The following PGAP4 variants were observed in gnomAD, a reference collection of about 807,000 sequenced individuals.
PGAP4 encodes the protein post-GPI attachment to proteins GalNAc transferase 4, also known as GPI-N-acetylgalactosamine transferase PGAP4.
A neutral mutation model predicts 28.2 loss-of-function variants in PGAP4; 12 were observed. The ratio of observed to expected loss-of-function variants is 0.42; its 90% CI spans 0.27 to 0.69. PGAP4 has a LOEUF of 0.69. Ranked by LOEUF, PGAP4 falls within the 30% of genes least tolerant of loss-of-function variation. PGAP4 has a pLI of 0.22. For missense variants in PGAP4, 425 were observed against 513.5 expected, an observed-to-expected ratio of 0.83 and a Z score of 1.67; for synonymous variants, 205 against 211.8, an observed-to-expected ratio of 0.97 and a Z score of 0.28.
chr9:101,527,203 G>A (rs1827042419), intron 2 of PGAP4, among the ~76,000 whole-genome samples: 1 of 152,208 alleles, frequency 6.6e-6, no homozygotes, highest in Non-Finnish European at 1.5e-5. Context: ...TCTGGAGGCA[G>A]TCTCTTGAGA....
chr9:101,529,398 G>A (rs1437263870), intron 2 of PGAP4, among the ~76,000 whole-genome samples: 6 of 152,064 alleles, frequency 3.9e-5, no homozygotes, highest in East Asian at 1.9e-4. Flanking sequence ...CAGGTGATCC[G>A]CCCGCCTTGG....
Position 101,509,537 on chromosome 9 carries a change from T to C in PGAP4, c.-164-20337A>G, listed in dbSNP as rs114009666. ...AATTCAAAAACTCTGGCCAGCAATC[T>C]ACCTTTAGAAAGCTATCTCACTTCT... On this transcript the variant is annotated intron_variant, in intron 2 of 3. Transcript: ENST00000374851. Among the ~76,000 whole-genome samples the C allele has an allele frequency of 4.5e-3, 689 of 152,274 alleles. 6 individuals are homozygous for C. Among genetic ancestry groups the C allele is most frequent in the African/African-American group, 0.015 (628 of 41,578 alleles).
At chr9:101,529,046 G>T (rs12350648) in intron 2 of PGAP4, among the ~76,000 whole-genome samples, 92,559 of 151,570 alleles carry the variant, frequency 0.61, 28,706 homozygotes, top group East Asian at 0.82. Context: ...ACGTGCGGTT[G>T]TCTGTTCCTG....
At chr9:101,480,163 C>T (rs1030453041) in intron 1 of PGAP4, among the ~76,000 whole-genome samples, 1 of 152,040 alleles carries the variant, frequency 6.6e-6, no homozygotes, top group Non-Finnish European at 1.5e-5. Context: ...GGGCTTAAGA[C>T]CCGGCCCCCA....
chr9:101,526,549 A>G (rs1671605231), intron 2 of PGAP4, among the ~76,000 whole-genome samples: 1 of 152,154 alleles, frequency 6.6e-6, no homozygotes, highest in Admixed American at 6.5e-5. Context: ...TCCTGGGTTC[A>G]AGTGATTCTC....
intron 2 of PGAP4, among the ~76,000 whole-genome samples, chr9:101,497,260 G>T (rs905838066): frequency 5.3e-5 from 8 of 151,366 alleles, no homozygotes; most frequent in African/African-American, 1.9e-4. Flanking sequence ...AATTTTAACA[G>T]TTTACCTAGA....
rs186845133 is a variant in PGAP4 at position 101,501,728 on chromosome 9, T to A, written c.-164-12528A>T. The A allele has an allele frequency of 1.9e-3, 961 of 519,322 alleles. 1 individual carries two copies. Among genetic ancestry groups the A allele is most frequent in the Non-Finnish European group, 2.9e-3 (760 of 259,910 alleles). The allele number at this position is 519,322 out of a possible 1,614,324, so 32.2% of individuals were successfully genotyped here. A position where few individuals can be genotyped will look rare whatever the true frequency, so the allele number is the denominator to read the frequency against. ...GTATAGATCATTGGGACCCAGTTTGTTCCAGGGCTCTGGGTTATTCTTTCT... is the reference window on the plus strand; with the variant it reads ...GTATAGATCATTGGGACCCAGTTTGATCCAGGGCTCTGGGTTATTCTTTCT... On this transcript the variant is annotated intron_variant, in intron 2 of 3. Transcript: ENST00000374851.
At position 101,501,136 on chromosome 9, in the gene PGAP4, CTCCAGGATA is replaced by C. The variant is rs1174613105; in HGVS notation, c.-164-11945_-164-11937del. Among the ~76,000 whole-genome samples the C allele has an allele frequency of 1.1e-4, 17 of 152,212 alleles. No homozygotes were observed. The East Asian group carries it at 3.3e-3, about 29-fold the overall frequency. ...TAAAAAGAAAGTCAACCTTTTCTCTCTCCAGGATATCCAGCATGAAGCCACATTACCATT... is the reference window on the plus strand; with the variant it reads ...TAAAAAGAAAGTCAACCTTTTCTCTCTCCAGCATGAAGCCACATTACCATT... On this transcript the variant is annotated intron_variant, in intron 2 of 3. Coordinates refer to the PGAP4 transcript ENST00000374851.
At chr9:101,532,072 C>G (rs1827097416) in intron 1 of PGAP4, among the ~76,000 whole-genome samples, 1 of 152,130 alleles carries the variant, frequency 6.6e-6, no homozygotes, top group South Asian at 2.1e-4. Flanking sequence ...GAGTTTGAGA[C>G]CGGCCTAGCC....
chr9:101,475,868 A>ATC lies in PGAP4; in HGVS notation c.*11_*12dup. 6.2e-7 allele frequency: 1 copy of ATC among 1,601,334 alleles called. No individual in the cohort carries two copies. Among genetic ancestry groups the ATC allele is most frequent in the Non-Finnish European group, 8.5e-7 (1 of 1,174,534 alleles). On this transcript the variant is annotated 3_prime_UTR_variant, in exon 2 of 2. Transcript: ENST00000374848. ...AAGAAGTGGCCAACTTCAGAAAGGC[A>ATC]TCTCTTGGCACCCTAGAGGAGACTG...
chr9:101,514,383 C>T (rs371198426), intron 2 of PGAP4, among the ~76,000 whole-genome samples: 2 of 152,128 alleles, frequency 1.3e-5, no homozygotes, highest in Non-Finnish European at 2.9e-5. Context: ...ATTTACTTAT[C>T]TTACAAATGA....
At chr9:101,528,975 C>CCT (rs146323705) in intron 2 of PGAP4, among the ~76,000 whole-genome samples, 19 of 148,948 alleles carry the variant, frequency 1.3e-4, no homozygotes, top group Admixed American at 8.0e-4. Context: ...TTGTGTTGCT[C>CCT]CTCTCTCTCT....
intron 2 of PGAP4, among the ~76,000 whole-genome samples, chr9:101,493,142 T>C (rs954901098): frequency 2.6e-5 from 4 of 151,504 alleles, no homozygotes; most frequent in Non-Finnish European, 5.9e-5. Flanking sequence ...TAGTCCCAGC[T>C]ACTCGGGAGG....
chr9:101,523,925 T>C (rs1318222418), intron 2 of PGAP4, among the ~76,000 whole-genome samples: 1 of 151,788 alleles, frequency 6.6e-6, no homozygotes, highest in Non-Finnish European at 1.5e-5. Context: ...TCTCATGGGG[T>C]GTTCCCTTGA....
intron 2 of PGAP4, among the ~76,000 whole-genome samples, chr9:101,524,268 G>T (rs1827013994): frequency 6.6e-6 from 1 of 151,568 alleles, no homozygotes; most frequent in Non-Finnish European, 1.5e-5. Context: ...CGGTAAGCTG[G>T]CAGTCACAGG....
chr9:101,496,532 C>G (rs906967928), intron 2 of PGAP4, among the ~76,000 whole-genome samples: 47 of 151,312 alleles, frequency 3.1e-4, no homozygotes, highest in African/African-American at 9.2e-4. Flanking sequence ...TTTTTAATAT[C>G]AAAGCTTAAT....
intron 2 of PGAP4, among the ~76,000 whole-genome samples, chr9:101,524,784 T>C (rs1347565490): frequency 6.6e-6 from 1 of 152,202 alleles, no homozygotes; most frequent in Admixed American, 6.5e-5. Flanking sequence ...GGCCTCCCTT[T>C]CTTACTTCCA....
At position 101,475,797 on chromosome 9, in the gene PGAP4, C is replaced by G; in HGVS notation, c.*84G>C. 7.1e-7 allele frequency: 1 copy of G among 1,406,096 alleles called. No individual in the cohort carries two copies. The highest frequency in any genetic ancestry group is 2.3e-5 in the East Asian group (1 of 43,852). 87.1% of individuals were successfully genotyped at this position (1,406,096 alleles called of 1,614,324 possible). A position where few individuals can be genotyped will look rare whatever the true frequency, so the allele number is the denominator to read the frequency against. On this transcript the variant is annotated 3_prime_UTR_variant, in exon 2 of 2. Transcript: ENST00000374848. ...CTAACAACAGTAAACAGTGAAATAC[C>G]TGCAGGCAACCATGTCTAAATAAAG...
Position 101,475,003 on chromosome 9 carries a change from T to TC in PGAP4, c.*877_*878insG, listed in dbSNP as rs1428848016. ...CAGTCCATGATTTTTTTTTTTTTTT[T>TC]TCTATAACATCATGCTACCTAGAAG... On this transcript the variant is annotated 3_prime_UTR_variant, in exon 2 of 2. Transcript: ENST00000374848. The TC allele has an allele frequency of 1.5e-4, 23 of 151,752 alleles. No homozygotes were observed. Among genetic ancestry groups the TC allele is most frequent in the Non-Finnish European group, 3.1e-4 (21 of 67,914 alleles). The allele number at this position is 151,752 out of a possible 1,614,324, so 9.4% of individuals were successfully genotyped here.
Sources: allele counts gnomAD v4.1 joint callset (sites outside exome capture counted in the v4.1 genomes callset), GRCh38; gene constraint gnomAD v4.1.1; transcripts MANE v1.5; gene names NCBI Gene and HGNC (gene_info 2026-07-23, HGNC 2026-07-21).